AARS1: variants seen among roughly 807,000 people sequenced by gnomAD.
The protein encoded by AARS1 is alanine--tRNA ligase, cytoplasmic.
Under a neutral mutation model 108.9 loss-of-function variants are expected in AARS1, and 72 were observed. The ratio of observed to expected loss-of-function variants is 0.66; its 90% CI spans 0.55 to 0.80. The LOEUF is 0.80. Ranked by LOEUF, AARS1 falls within the 30% of genes least tolerant of loss-of-function variation. The pLI, the probability that AARS1 is intolerant of heterozygous loss-of-function variation, is 0.00. For synonymous variants in AARS1, 489 were observed against 465.7 expected, an observed-to-expected ratio of 1.05 and a Z score of -0.64; for missense variants, 1,193 against 1,233.2, an observed-to-expected ratio of 0.97 and a Z score of 0.49.
chr16:70,264,908 C>A, intron 11 of AARS1, 50 bp downstream of exon 11: 4 of 1,612,086 alleles, frequency 2.5e-6, no homozygotes, highest in Non-Finnish European at 1.7e-6. Flanking sequence ...TCAAATACCC[C>A]CCAGATACGG....
chr16:70,271,692 C>A, intron 5 of AARS1, 89 bp downstream of exon 5: 1 of 1,338,888 alleles, frequency 7.5e-7, no homozygotes, highest in Admixed American at 1.8e-5. Flanking sequence ...AAGAAATGAG[C>A]TTTTAGCTGA....
In AARS1 at chr16:70,270,349, T is replaced by C. The variant is rs1317170159; in HGVS notation, c.672-9A>G. On this transcript the variant is annotated splice_polypyrimidine_tract_variant and intron_variant, in intron 5 of 20. Transcript: ENST00000261772. ...GAATGCCATCAGCTTCCCTGTATGA[T>C]CCAGAAGAAGAGGAGGTTGAAGCAG... 6.2e-7 allele frequency: 1 copy of C among 1,614,134 alleles called. No individual in the cohort carries two copies. The highest frequency in any genetic ancestry group is 1.7e-5 in the Admixed American group (1 of 60,006).
rs1160997883 is a variant in AARS1, at chr16:70,253,964, G to A, written c.2475C>T (p.Val825=). The change falls in exon 18 of 21, where the codon GTC becomes GTT. Residue 825 remains valine (V), a synonymous_variant. Transcript: ENST00000261772. Reference sequence around the variant, plus strand: ...TGCTGGCTCGGTCCAAGTCATCCATGACCTTCTTTAGGGATTTGAGAGTCT... The same window carrying A: ...TGCTGGCTCGGTCCAAGTCATCCATAACCTTCTTTAGGGATTTGAGAGTCT... ...LRETLKSLKK[V]MDDLDRASKA... is the part of the protein sequence containing the mutation. 1 of 1,614,160 alleles carries A rather than the reference G, an allele frequency of 6.2e-7. No individual in the cohort carries two copies. The highest frequency in any genetic ancestry group is 8.5e-7 in the Non-Finnish European group (1 of 1,180,036).
intron 9 of AARS1, among the ~76,000 whole-genome samples, chr16:70,266,346 A>T (rs546430305): frequency 5.0e-4 from 75 of 149,772 alleles, no homozygotes; most frequent in African/African-American, 1.8e-3. Flanking sequence ...TAAATAAAAA[A>T]ATTGCCAGGC....
chr16:70,283,416 A>C (rs1960756479), intron 1 of AARS1, among the ~76,000 whole-genome samples: 1 of 145,786 alleles, frequency 6.9e-6, no homozygotes, highest in South Asian at 2.2e-4. Context: ...AAAAAGAAGG[A>C]AAAAAAAAAA....
intron 1 of AARS1, among the ~76,000 whole-genome samples, chr16:70,283,415 GA>G (rs936953665): frequency 5.1e-4 from 71 of 137,926 alleles, no homozygotes; most frequent in African/African-American, 1.1e-3. Flanking sequence ...AAAAAAGAAG[GA>G]AAAAAAAAAA....
chr16:70,269,470 G>C (rs1314644745), intron 7 of AARS1, 148 bp downstream of exon 7: 1 of 1,165,332 alleles, frequency 8.6e-7, no homozygotes, highest in Non-Finnish European at 1.2e-6. Context: ...GCAGGCAGAG[G>C]TTGCAGTGAG....
At chr16:70,256,897 C>T (rs1412966368) in intron 15 of AARS1, among the ~76,000 whole-genome samples, 2 of 150,366 alleles carry the variant, frequency 1.3e-5, no homozygotes, top group East Asian at 4.0e-4. Flanking sequence ...GGTGGGTCAC[C>T]TGAGATCAGG....
chr16:70,277,125 G>C lies in AARS1; in HGVS notation c.174C>G (p.Asp58Glu), dbSNP rs1258171476. Residue 58 changes from aspartate (D) to glutamate (E), a missense_variant, in exon 3 of 21, where the codon GAC becomes GAG. Transcript: ENST00000261772. ...TCAGCTTTGCCATGGGGTGAGATGG[G>C]TCAATTGTGTTCAGGAAAATGGGTT... is the stretch of plus-strand genomic sequence containing the variant. ...QFKPIFLNTI[D>E]PSHPMAKLSR... 8 of 1,614,162 alleles carry C rather than the reference G, an allele frequency of 5.0e-6. No individual in the cohort carries two copies. The highest frequency in any genetic ancestry group is 6.8e-6 in the Non-Finnish European group (8 of 1,180,030).
At position 70,254,752 on chromosome 16, in the gene AARS1, G is replaced by C. The variant is rs772423545; in HGVS notation, c.2287-18C>G. ...CTGAGGGCCTGGGAGGGGACACCGG[G>C]TCAACCCCAAGCAGGAGGTCTGAGT... On this transcript the variant is annotated intron_variant, in intron 16 of 20. Coordinates refer to ENST00000261772, the MANE Select transcript of AARS1 (RefSeq NM_001605.3). 1 of 1,544,470 alleles carries C rather than the reference G, an allele frequency of 6.5e-7. No individual in the cohort carries two copies. The highest frequency in any genetic ancestry group is 9.0e-7 in the Non-Finnish European group (1 of 1,117,164).
intron 4 of AARS1, among the ~76,000 whole-genome samples, chr16:70,273,947 C>T (rs55683684): frequency 0.034 from 4,996 of 145,734 alleles, 296 homozygotes; most frequent in African/African-American, 0.12. Flanking sequence ...TGAGGTGGGA[C>T]GATCGCCTGA....
rs144052908 is a variant in AARS1 at position 70,261,934 on chromosome 16, G to T, written c.1671+412C>A. The stretch of plus-strand genomic sequence containing the variant: ...TCCACCCGCCTTGGCCTCCCAAAGT[G>T]CTAGGATTATAGTCATGAGCCACCA... On this transcript the variant is annotated intron_variant, in intron 12 of 20. Transcript: ENST00000261772. Among the ~76,000 whole-genome samples the T allele has an allele frequency of 2.7e-3, 410 of 152,120 alleles. 3 individuals are homozygous for T. Among genetic ancestry groups the T allele is most frequent in the Non-Finnish European group, 4.9e-3 (332 of 68,000 alleles).
Position 70,253,787 on chromosome 16 carries a change from G to A in AARS1, c.2534C>T (p.Thr845Met), listed in dbSNP as rs1959908249. 6.2e-7 allele frequency: 1 copy of A among 1,614,178 alleles called. No homozygotes were observed. Among genetic ancestry groups the A allele is most frequent in the Non-Finnish European group, 8.5e-7 (1 of 1,180,040 alleles). Residue 845 changes from threonine (T) to methionine (M), a missense_variant, in exon 19 of 21, where the codon ACG (threonine) becomes ATG (methionine). Thr to Met is a moderately conservative substitution (Grantham distance 81). Transcript: ENST00000261772. ...GGGGTTGCTGTCGATGAACTGCTTC[G>A]TCTTCTCTAACACCTGCAAGAAAAA... ...ADVQKRVLEKTKQFIDSNPNQ... is the reference protein window; with the variant it reads ...ADVQKRVLEKMKQFIDSNPNQ...
chr16:70,272,030 C>A, intron 4 of AARS1, 58 bp from the exon 5 acceptor site: 1 of 1,529,438 alleles, frequency 6.5e-7, no homozygotes, highest in Admixed American at 1.7e-5. Context: ...TCTGCCCAGA[C>A]TTGCAACCAC....
intron 3 of AARS1, 50 bp from the exon 4 acceptor site, chr16:70,276,681 T>C: frequency 6.3e-7 from 1 of 1,596,082 alleles, no homozygotes; most frequent in Non-Finnish European, 8.6e-7. Flanking sequence ...AACCAAAATC[T>C]ATTTAGTATG....
At chr16:70,266,326 TA>T (rs1044328456) in intron 9 of AARS1, among the ~76,000 whole-genome samples, 7 of 138,768 alleles carry the variant, frequency 5.0e-5, no homozygotes, top group Non-Finnish European at 1.1e-4. Flanking sequence ...AAATAAAAAA[TA>T]AAAAAAAATA....
chr16:70,259,029 T>G lies in AARS1; in HGVS notation c.1943A>C (p.Gln648Pro). Residue 648 changes from glutamine (Q) to proline (P), a missense_variant, in exon 14 of 21, where the codon CAG (glutamine) becomes CCG (proline). Physicochemically the swap from Gln to Pro is moderately conservative, Grantham distance 76. Coordinates refer to ENST00000261772, the MANE Select transcript of AARS1 (RefSeq NM_001605.3). ...FTAKGAMSTQ[Q>P]IKKAEEIANE... ...AGCAATCTCTTCAGCCTTCTTGATC[T>G]GTTGGGTGGACATGGCTCCCTTGGC... The G allele has an allele frequency of 6.2e-7, 1 of 1,614,210 alleles. No individual in the cohort carries two copies. The highest frequency in any genetic ancestry group is 8.5e-7 in the Non-Finnish European group (1 of 1,180,038).
At chr16:70,275,153 A>G (rs1203982825) in intron 4 of AARS1, among the ~76,000 whole-genome samples, 1 of 151,530 alleles carries the variant, frequency 6.6e-6, no homozygotes, top group East Asian at 2.0e-4. Context: ...CCAGCTACTC[A>G]GGAGGCTGAG....
intron 4 of AARS1, among the ~76,000 whole-genome samples, chr16:70,273,622 G>A (rs1960463375): frequency 6.6e-6 from 1 of 152,006 alleles, no homozygotes. Flanking sequence ...CAGCACTTTG[G>A]GAGGCCAAGG....
Sources: allele counts gnomAD v4.1 joint callset (sites outside exome capture counted in the v4.1 genomes callset), GRCh38; gene constraint gnomAD v4.1.1; transcripts MANE v1.5; gene names NCBI Gene and HGNC (gene_info 2026-07-23, HGNC 2026-07-21).